Variants in SFMBT2 observed in about 807,000 individuals in gnomAD.
SFMBT2 encodes Scm like with four mbt domains 2, also known as scm-like with four MBT domains protein 2.
In SFMBT2, 38 loss-of-function variants were observed where a neutral mutation model predicts 110.1. That is an observed-to-expected ratio of 0.35 (90% CI 0.27 to 0.45). The LOEUF is 0.45. Ranked by LOEUF, SFMBT2 falls within the 20% of genes least tolerant of loss-of-function variation. SFMBT2 has a pLI of 1.00. For missense variants in SFMBT2, 1,011 were observed against 1,094.9 expected (o/e 0.92, Z 1.08); for synonymous variants, 425 against 425.4 (o/e 1.00, Z 0.01).
At chr10:7,258,890 G>A (rs1009368591) in intron 7 of SFMBT2, among the ~76,000 whole-genome samples, 15 of 152,312 alleles carry the variant, frequency 9.8e-5, no homozygotes, top group Non-Finnish European at 1.9e-4. Flanking sequence ...TAACAAAAAT[G>A]TAATTTTAAA....
intron 11 of SFMBT2, among the ~76,000 whole-genome samples, chr10:7,212,852 G>C (rs931135060): frequency 6.6e-6 from 1 of 152,094 alleles, no homozygotes; most frequent in African/African-American, 2.4e-5. Flanking sequence ...AATGATAGAC[G>C]GGATAAAGAA....
At position 7,172,333 on chromosome 10, in the gene SFMBT2, T is replaced by A. The variant is rs907116674; in HGVS notation, c.2151+162A>T. The A allele has an allele frequency of 2.4e-5, 24 of 985,210 alleles. No individual in the cohort carries two copies. In the African/African-American group the frequency reaches 3.7e-4, roughly 15 times the overall value. The allele number at this position is 985,210 out of a possible 1,614,324, so 61.0% of individuals were successfully genotyped here. On this transcript the variant is annotated intron_variant, in intron 18 of 20. Transcript: ENST00000397167. This position sits in a 1 kb window ranked among gnomAD's most constrained non-coding sequence, Gnocchi z 4.6. ...TCCCAGCCAAAGCAGCTGGACACACTACATTTGTTTTCAGCAAGTAAGGAG... is the reference window on the plus strand; with the variant it reads ...TCCCAGCCAAAGCAGCTGGACACACAACATTTGTTTTCAGCAAGTAAGGAG...
chr10:7,222,832 G>A (rs1274176675), intron 10 of SFMBT2, among the ~76,000 whole-genome samples: 1 of 152,056 alleles, frequency 6.6e-6, no homozygotes, highest in African/African-American at 2.4e-5. Context: ...ACCATGCCCA[G>A]CTAATTTTTT....
intron 8 of SFMBT2, chr10:7,246,084 A>G (rs2131726124): frequency 2.2e-6 from 2 of 919,232 alleles, no homozygotes; most frequent in South Asian, 5.0e-5. Flanking sequence ...CCTAGGTTCT[A>G]AAAGACAGAT....
intron 9 of SFMBT2, among the ~76,000 whole-genome samples, chr10:7,240,267 T>C (rs1381536710): frequency 1.3e-5 from 2 of 152,170 alleles, no homozygotes; most frequent in Admixed American, 1.3e-4. Context: ...TTCTCTAACA[T>C]AGGAAGTGTC....
intron 2 of SFMBT2, 150 bp from the exon 3 acceptor site, chr10:7,370,525 G>A: frequency 1.5e-6 from 1 of 686,444 alleles, no homozygotes; most frequent in South Asian, 1.9e-5. Flanking sequence ...CAAAGCTTCA[G>A]TCTGCTGATT....
At chr10:7,223,531 C>G (rs577900436) in intron 10 of SFMBT2, among the ~76,000 whole-genome samples, 14 of 152,200 alleles carry the variant, frequency 9.2e-5, no homozygotes, top group African/African-American at 3.4e-4. Flanking sequence ...CCTTCATTTC[C>G]CTGCCCATCT....
At chr10:7,239,337 T>C (rs1372606311) in intron 9 of SFMBT2, among the ~76,000 whole-genome samples, 1 of 152,256 alleles carries the variant, frequency 6.6e-6, no homozygotes, top group Non-Finnish European at 1.5e-5. Flanking sequence ...ATATTCTACG[T>C]GTCAACCTAA....
intron 1 of SFMBT2, among the ~76,000 whole-genome samples, chr10:7,405,867 GC>G (rs1564478872): frequency 3.2e-5 from 4 of 123,672 alleles, no homozygotes. Flanking sequence ...TTCCTTAGCA[GC>G]TAGTGTTAAC....
chr10:7,329,347 G>C (rs1843494890), intron 4 of SFMBT2, among the ~76,000 whole-genome samples: 1 of 152,240 alleles, frequency 6.6e-6, no homozygotes, highest in African/African-American at 2.4e-5. Context: ...CCTGCACGGA[G>C]GTTCTCACGA....
intron 1 of SFMBT2, among the ~76,000 whole-genome samples, chr10:7,406,978 G>A (rs1052258586): frequency 6.7e-6 from 1 of 149,516 alleles, no homozygotes; most frequent in African/African-American, 2.4e-5. Context: ...GGGACCTAGA[G>A]GGTTGGCGGG....
rs1840023592 is a variant in SFMBT2, at chr10:7,228,783, C to CT, written c.1121-847_1121-846insA. The stretch of plus-strand genomic sequence containing the variant: ...CTCTCTCTCTCTCTCTCTCTCTCTC[C>CT]CCCTCCCTCTCTCTCTCTCTTTCTT... On this transcript the variant is annotated intron_variant, in intron 9 of 20. Coordinates refer to ENST00000397167, the MANE Select transcript of SFMBT2 (RefSeq NM_001387889.1). 2.4e-5 allele frequency among the ~76,000 whole-genome samples: 2 copies of CT among 83,246 alleles called. 1 individual carries two copies. The highest frequency in any genetic ancestry group is 5.3e-5 in the Non-Finnish European group (2 of 37,788). 54.6% of individuals were successfully genotyped at this position (83,246 alleles called of 152,430 possible).
chr10:7,252,269 T>C (rs1840835565), intron 7 of SFMBT2, among the ~76,000 whole-genome samples: 1 of 152,216 alleles, frequency 6.6e-6, no homozygotes, highest in Admixed American at 6.5e-5. Context: ...GAGGACTTCC[T>C]GTGTTCACAG....
intron 1 of SFMBT2, among the ~76,000 whole-genome samples, chr10:7,407,604 T>A (rs1435926775): frequency 6.6e-6 from 1 of 151,948 alleles, no homozygotes; most frequent in East Asian, 1.9e-4. Flanking sequence ...AAGGCTGGGG[T>A]GAGCGAGAAG....
chr10:7,354,841 G>C (rs971272411), intron 4 of SFMBT2, among the ~76,000 whole-genome samples: 1 of 152,238 alleles, frequency 6.6e-6, no homozygotes, highest in Non-Finnish European at 1.5e-5. Flanking sequence ...ACAGAAGACA[G>C]AAAGTTGGCC....
rs1039728763 is a variant in SFMBT2, at chr10:7,171,773, A to G, written c.2415+122T>C. 9.0e-7 allele frequency: 1 copy of G among 1,112,518 alleles called. No homozygotes were observed. The highest frequency in any genetic ancestry group is 1.6e-5 in the African/African-American group (1 of 61,198). 68.9% of individuals were successfully genotyped at this position (1,112,518 alleles called of 1,614,324 possible). A position where few individuals can be genotyped will look rare whatever the true frequency, so the allele number is the denominator to read the frequency against. On this transcript the variant is annotated intron_variant, in intron 19 of 20. Transcript: ENST00000397167. This position sits in a 1 kb window ranked among gnomAD's most constrained non-coding sequence, Gnocchi z 4.9. ...TTTGTTCCTGACTTGGGAACTAGCT[A>G]GAGCAGCTGCTGCTGTTGGAGGTAT...
chr10:7,196,415 A>T (rs1182665434), intron 15 of SFMBT2, among the ~76,000 whole-genome samples: 3 of 152,182 alleles, frequency 2.0e-5, no homozygotes, highest in Non-Finnish European at 4.4e-5. Context: ...ACGCTGTGCA[A>T]TCAGGATCCT....
intron 4 of SFMBT2, among the ~76,000 whole-genome samples, chr10:7,312,056 A>G (rs1363152638): frequency 6.6e-6 from 1 of 152,132 alleles, no homozygotes; most frequent in Non-Finnish European, 1.5e-5. Context: ...GATGGGGAAC[A>G]TCACACACAG....
intron 7 of SFMBT2, chr10:7,264,257 A>G (rs1422934988): frequency 4.1e-6 from 1 of 241,560 alleles, no homozygotes; most frequent in Non-Finnish European, 6.7e-6. Context: ...TTCAGACCCA[A>G]CCAAACCAGA....
Sources: allele counts gnomAD v4.1 joint callset (sites outside exome capture counted in the v4.1 genomes callset), GRCh38; gene constraint gnomAD v4.1.1; non-coding constraint Gnocchi (gnomAD v3.1); transcripts MANE v1.5; gene names NCBI Gene and HGNC (gene_info 2026-07-23, HGNC 2026-07-21).